BARD1: variants seen among roughly 807,000 people sequenced by gnomAD.
The protein encoded by BARD1 is BRCA1-associated RING domain protein 1.
A neutral mutation model predicts 77.0 loss-of-function variants in BARD1; 73 were observed. The ratio of observed to expected loss-of-function variants is 0.95; its 90% CI spans 0.79 to 1.15. BARD1 has a LOEUF of 1.15. BARD1 is among the 50% of genes most tolerant of loss of function. The pLI is 0.00. For synonymous variants in BARD1, 384 were observed against 338.0 expected (o/e 1.14, Z -1.49); for missense variants, 993 against 938.8 (o/e 1.06, Z -0.75).
At position 214,752,458 on chromosome 2, in the gene BARD1, GGCTA is replaced by G. The variant is rs753537518; in HGVS notation, c.1662_1665del (p.Ser555ThrfsTer4). The G allele has an allele frequency of 6.2e-7, 1 of 1,609,740 alleles. No individual in the cohort carries two copies. Among genetic ancestry groups the G allele is most frequent in the Admixed American group, 1.7e-5 (1 of 59,996 alleles). On this transcript the variant is annotated frameshift_variant, in exon 7 of 11. Transcript: ENST00000260947. LOFTEE classifies it high-confidence loss of function. ...AAATCCATACTTACTACTGAGCAGT[GGCTA>G]GCTGAGGATGATTCATTCTTCTCTG...
In BARD1 at chr2:214,745,739, G is replaced by A. The variant is rs376256852; in HGVS notation, c.1793C>T (p.Thr598Ile). Residue 598 changes from threonine (T) to isoleucine (I), a missense_variant, in exon 8 of 11, where the codon ACT (threonine) becomes ATT (isoleucine). Thr to Ile is a moderately conservative substitution (Grantham distance 89). Coordinates refer to ENST00000260947, the MANE Select transcript of BARD1 (RefSeq NM_000465.4). ...LAVILKAKKY[T>I]EFDSTVTHVV... ...ATCCTCACCTGTACTGTCAAACTCA[G>A]TATATTTTTTAGCCTTAAGAATTAC... 28 of 1,613,862 alleles carry A rather than the reference G, an allele frequency of 1.7e-5. No individual in the cohort carries two copies. Among genetic ancestry groups the A allele is most frequent in the South Asian group, 3.3e-5 (3 of 91,088 alleles).
At chr2:214,758,697 A>G (rs1300607342) in intron 6 of BARD1, among the ~76,000 whole-genome samples, 1 of 152,206 alleles carries the variant, frequency 6.6e-6, no homozygotes, top group Non-Finnish European at 1.5e-5. Flanking sequence ...AAAAGGAAGT[A>G]CTTATGAAAG....
At chr2:214,735,312 T>G (rs1261259207) in intron 9 of BARD1, among the ~76,000 whole-genome samples, 1 of 152,050 alleles carries the variant, frequency 6.6e-6, no homozygotes, top group Non-Finnish European at 1.5e-5. Context: ...CAACAGACTG[T>G]GAAAGGGCCA....
intron 5 of BARD1, among the ~76,000 whole-genome samples, chr2:214,767,974 A>AT (rs979241525): frequency 4.8e-5 from 5 of 104,166 alleles, no homozygotes; most frequent in Non-Finnish European, 1.0e-4. Context: ...AATGTAACAC[A>AT]TTAAGAAAAA....
intron 3 of BARD1, among the ~76,000 whole-genome samples, chr2:214,790,781 A>T (rs556843833): frequency 2.6e-5 from 4 of 152,152 alleles, no homozygotes; most frequent in African/African-American, 9.7e-5. Flanking sequence ...AGAATCTAAC[A>T]AAAGTCACTT....
At chr2:214,751,117 G>GTGTGTGTATGTATATA (rs1486423673) in intron 7 of BARD1, among the ~76,000 whole-genome samples, 2 of 16,290 alleles carry the variant, frequency 1.2e-4, no homozygotes, top group Non-Finnish European at 1.4e-4. Context: ...GTGTGTGTGT[G>GTGTGTGTATGTATATA]TATATATATA....
At chr2:214,744,943 A>G in intron 9 of BARD1, 124 bp downstream of exon 9, 6 of 931,730 alleles carry the variant, frequency 6.4e-6, no homozygotes, top group Non-Finnish European at 1.0e-5. Context: ...AAGCTTTTCC[A>G]AAATGCAGTG....
At chr2:214,752,377 T>C (rs1346088145) in intron 7 of BARD1, 70 bp downstream of exon 7, 1 of 1,335,302 alleles carries the variant, frequency 7.5e-7, no homozygotes, top group South Asian at 1.2e-5. Context: ...TGGAAATTTT[T>C]CTATTATGTT....
chr2:214,771,404 T>G (rs1236077396), intron 4 of BARD1, among the ~76,000 whole-genome samples: 1 of 152,156 alleles, frequency 6.6e-6, no homozygotes, highest in Admixed American at 6.5e-5. Flanking sequence ...CTAATTCTCC[T>G]AAATATAATA....
intron 4 of BARD1, among the ~76,000 whole-genome samples, chr2:214,771,806 T>C (rs1356534802): frequency 6.6e-6 from 1 of 151,294 alleles, no homozygotes; most frequent in Admixed American, 6.6e-5. Flanking sequence ...TTCAGTTTTC[T>C]AAAAAAGTAA....
intron 4 of BARD1, among the ~76,000 whole-genome samples, chr2:214,774,708 T>C (rs1694662838): frequency 6.6e-6 from 1 of 152,222 alleles, no homozygotes; most frequent in Non-Finnish European, 1.5e-5. Context: ...TTCTCCTTTC[T>C]AGCTATGAAA....
At chr2:214,806,648 C>T (rs6749428) in intron 1 of BARD1, among the ~76,000 whole-genome samples, 101,030 of 151,896 alleles carry the variant, frequency 0.67, 33,807 homozygotes, top group East Asian at 0.85. Flanking sequence ...CTGAAGTGGG[C>T]GGATCACTTG....
rs1419497477 is a variant in BARD1, at chr2:214,786,692, GA to G, written c.365-5184del. On this transcript the variant is annotated intron_variant, in intron 3 of 10. Coordinates refer to ENST00000260947, the MANE Select transcript of BARD1 (RefSeq NM_000465.4). ...ACCATCACTTCCTGCAGATGAAATG[GA>G]AGCACTACACTGAAAAGACAGTAAA... Among the ~76,000 whole-genome samples, 8 of 151,908 alleles carry G rather than the reference GA, an allele frequency of 5.3e-5. No homozygotes were observed. The East Asian group carries it at 1.5e-3, about 29-fold the overall frequency.
intron 6 of BARD1, among the ~76,000 whole-genome samples, chr2:214,761,241 T>C (rs1321621087): frequency 6.6e-6 from 1 of 151,790 alleles, no homozygotes; most frequent in African/African-American, 2.4e-5. Context: ...GGCAGGATAT[T>C]TCCAGAAGAC....
At chr2:214,743,481 C>T (rs116252375) in intron 9 of BARD1, among the ~76,000 whole-genome samples, 4 of 152,340 alleles carry the variant, frequency 2.6e-5, no homozygotes, top group Admixed American at 6.5e-5. Flanking sequence ...AGATGTCCCA[C>T]GTACTTTTCC....
rs1574702322 is a variant in BARD1 at position 214,728,771 on chromosome 2, G to C, written c.2239C>G (p.Pro747Ala). ...ACTTTGCCCTGCCGAACCCTCTCTG[G>C]GTGATAATTACACAAATCTTCATAG... ...IIYEDLCNYH[P>A]ERVRQGKVWK... Residue 747 changes from proline to alanine, a missense_variant, in exon 11 of 11, where the codon CCA (proline) becomes GCA (alanine). Transcript: ENST00000260947. The C allele has an allele frequency of 6.2e-7, 1 of 1,614,096 alleles. No homozygotes were observed. The highest frequency in any genetic ancestry group is 8.5e-7 in the Non-Finnish European group (1 of 1,180,014).
At chr2:214,734,356 T>C (rs1692479932) in intron 9 of BARD1, among the ~76,000 whole-genome samples, 1 of 152,030 alleles carries the variant, frequency 6.6e-6, no homozygotes, top group Admixed American at 6.6e-5. Flanking sequence ...ATTAAGAAAA[T>C]ATGGAATAAG....
In BARD1 at chr2:214,809,438, C is replaced by T. The variant is rs765806892; in HGVS notation, c.132G>A (p.Leu44=). The T allele has an allele frequency of 6.2e-7, 1 of 1,612,216 alleles. No individual in the cohort carries two copies. The highest frequency in any genetic ancestry group is 1.1e-5 in the South Asian group (1 of 91,018). ...WAHSRAALDR[L]EKLLRCSRCT... ...AACGCGAGCAGCGCAGCAGCTTCTC[C>T]AGGCGGTCGAGCGCGGCGCGACTGT... Residue 44 remains leucine (L), a synonymous_variant, in exon 1 of 11, where the codon CTG becomes CTA. Transcript: ENST00000260947.
At chr2:214,749,184 A>G (rs62996460) in intron 7 of BARD1, among the ~76,000 whole-genome samples, 4 of 35,976 alleles carry the variant, frequency 1.1e-4, no homozygotes, top group African/African-American at 5.1e-4. Context: ...TAGTTCCTGG[A>G]AAAAAAAAAA....
Sources: allele counts gnomAD v4.1 joint callset (sites outside exome capture counted in the v4.1 genomes callset), GRCh38; gene constraint gnomAD v4.1.1; transcripts MANE v1.5; gene names NCBI Gene and HGNC (gene_info 2026-07-23, HGNC 2026-07-21).